HADHA: variants seen among roughly 807,000 people sequenced by gnomAD.
HADHA encodes trifunctional enzyme subunit alpha, mitochondrial.
HADHA carries 59 observed loss-of-function variants against 91.3 expected under a neutral mutation model. That is an observed-to-expected ratio of 0.65 (90% CI 0.52 to 0.80). The LOEUF is 0.80. HADHA is among the 30% of genes least tolerant of loss of function. The pLI, the probability that HADHA is intolerant of heterozygous loss-of-function variation, is 0.00. For missense variants in HADHA, 800 were observed against 927.6 expected (o/e 0.86, Z 1.79); for synonymous variants, 320 against 338.9 (o/e 0.94, Z 0.61).
chr2:26,241,474 C>CA (rs1250397181), intron 1 of HADHA, among the ~76,000 whole-genome samples: 9 of 139,930 alleles, frequency 6.4e-5, no homozygotes, highest in African/African-American at 1.1e-4. Context: ...ACAACAACAA[C>CA]AACAAAAAAA....
chr2:26,200,490 G>T (rs1448620712), intron 13 of HADHA, among the ~76,000 whole-genome samples: 1 of 152,170 alleles, frequency 6.6e-6, no homozygotes, highest in African/African-American at 2.4e-5. Context: ...TGGACGAACT[G>T]TCTTCCCTAT....
chr2:26,223,608 G>A (rs1670423472), intron 7 of HADHA, among the ~76,000 whole-genome samples: 1 of 152,200 alleles, frequency 6.6e-6, no homozygotes, highest in Non-Finnish European at 1.5e-5. Flanking sequence ...TCTGGGGCTG[G>A]CTAAGCTCTT....
At chr2:26,219,319 G>T (rs1332670749) in intron 7 of HADHA, among the ~76,000 whole-genome samples, 1 of 151,892 alleles carries the variant, frequency 6.6e-6, no homozygotes, top group African/African-American at 2.4e-5. Context: ...GTAGAGATGG[G>T]GTTTCACCAT....
Position 26,214,506 on chromosome 2 carries a change from T to C in HADHA, c.855A>G (p.Lys285=). 1 of 1,609,074 alleles carries C rather than the reference T, an allele frequency of 6.2e-7. No individual in the cohort carries two copies. The highest frequency in any genetic ancestry group is 8.5e-7 in the Non-Finnish European group (1 of 1,176,156). Residue 285 remains lysine (K), a synonymous_variant, in exon 9 of 20, where the codon AAA becomes AAG. Coordinates refer to ENST00000380649, the MANE Select transcript of HADHA (RefSeq NM_000182.5). This position sits in a 1 kb window ranked among gnomAD's most constrained non-coding sequence, Gnocchi z 4.1. ...IPFVRQQVYK[K]VEEKVRKQTK... ...TCTGCTTTCGCACTTTTTCTTCCAC[T>C]TTTTTGTAAACCTGTTGCCTGACAA...
At chr2:26,232,547 C>A (rs1026364002) in intron 5 of HADHA, among the ~76,000 whole-genome samples, 28 of 152,116 alleles carry the variant, frequency 1.8e-4, no homozygotes, top group African/African-American at 6.5e-4. Flanking sequence ...GAAAAATGCA[C>A]ACACAATTTT....
chr2:26,241,238 A>G (rs1574628978), intron 1 of HADHA, among the ~76,000 whole-genome samples: 1 of 152,334 alleles, frequency 6.6e-6, no homozygotes, highest in Non-Finnish European at 1.5e-5. Flanking sequence ...TGAAAACATT[A>G]CTTTGGTTGT....
chr2:26,232,031 C>A, intron 6 of HADHA, 129 bp downstream of exon 6: 1 of 733,076 alleles, frequency 1.4e-6, no homozygotes, highest in East Asian at 2.6e-5. Flanking sequence ...TAAAGTCTGT[C>A]ACTGATCCTG....
In HADHA at chr2:26,230,234, C is replaced by G. The variant is rs1670589815; in HGVS notation, c.634G>C (p.Ala212Pro). Residue 212 changes from alanine (A) to proline (P), a missense_variant, in exon 7 of 20, where the codon GCA becomes CCA. Transcript: ENST00000380649. ...LTGRSIRADR[A>P]KKMGLVDQLV... ...TGGTCAACCAGTCCCATTTTCTTTG[C>G]CCTGTCTGCACGAATGCTTCTACCA... The G allele has an allele frequency of 6.2e-7, 1 of 1,613,466 alleles. No individual in the cohort carries two copies. Among genetic ancestry groups the G allele is most frequent in the Non-Finnish European group, 8.5e-7 (1 of 1,179,576 alleles).
intron 11 of HADHA, 90 bp from the exon 12 acceptor site, chr2:26,204,286 A>G: frequency 9.2e-7 from 1 of 1,088,524 alleles, no homozygotes; most frequent in South Asian, 1.2e-5. Context: ...CAATAAACCA[A>G]CTAATGCAGG....
At chr2:26,226,023 T>A (rs769825725) in intron 7 of HADHA, among the ~76,000 whole-genome samples, 48 of 152,174 alleles carry the variant, frequency 3.2e-4, no homozygotes, top group Non-Finnish European at 5.4e-4. Flanking sequence ...AAGGTCCATG[T>A]CCAAAAATCT....
At chr2:26,198,212 T>C (rs1669731852) in intron 13 of HADHA, among the ~76,000 whole-genome samples, 2 of 152,138 alleles carry the variant, frequency 1.3e-5, no homozygotes, top group South Asian at 2.1e-4. Flanking sequence ...ATGTGCATGC[T>C]TGTCTCATTT....
chr2:26,235,190 T>C (rs1670718320), intron 4 of HADHA: 1 of 152,182 alleles, frequency 6.6e-6, no homozygotes, highest in Non-Finnish European at 1.5e-5. Context: ...ATTCCTGTAG[T>C]CCTGGCTACT....
At chr2:26,243,399 A>G (rs1484461901) in intron 1 of HADHA, 2 of 146,200 alleles carry the variant, frequency 1.4e-5, no homozygotes, top group African/African-American at 4.9e-5. Flanking sequence ...ACAATGGGTG[A>G]TTCGTTTTTT....
At chr2:26,211,522 T>C (rs959155862) in intron 10 of HADHA, among the ~76,000 whole-genome samples, 2 of 152,214 alleles carry the variant, frequency 1.3e-5, no homozygotes, top group South Asian at 4.1e-4. Flanking sequence ...GATATTACCA[T>C]CAGGCTATGT....
intron 4 of HADHA, 105 bp from the exon 5 acceptor site, chr2:26,234,460 G>T (rs1024222287): frequency 4.1e-6 from 4 of 975,842 alleles, no homozygotes; most frequent in African/African-American, 1.6e-5. Flanking sequence ...ATCAATATTT[G>T]ATGACAAATC....
chr2:26,224,069 C>G (rs1490875964), intron 7 of HADHA, among the ~76,000 whole-genome samples: 1 of 152,144 alleles, frequency 6.6e-6, no homozygotes, highest in African/African-American at 2.4e-5. Flanking sequence ...CTTAAAGACA[C>G]TTCTCCCAGT....
Position 26,191,085 on chromosome 2 carries a change from G to T in HADHA, c.*165C>A. On this transcript the variant is annotated 3_prime_UTR_variant, in exon 20 of 20. Transcript: ENST00000380649. ...ACTAATTCGAAGTCACACTTCACCA[G>T]GAGGGAGAGATGGTCTTGGCTGAAG... The T allele has an allele frequency of 1.4e-6, 1 of 700,838 alleles. No homozygotes were observed. The highest frequency in any genetic ancestry group is 2.5e-6 in the Non-Finnish European group (1 of 392,436). The allele number at this position is 700,838 out of a possible 1,614,324, so 43.4% of individuals were successfully genotyped here.
intron 11 of HADHA, 63 bp from the exon 12 acceptor site, chr2:26,204,259 A>G (rs1237940484): frequency 4.8e-6 from 7 of 1,462,138 alleles, no homozygotes; most frequent in Non-Finnish European, 6.7e-6. Flanking sequence ...TCAAAGTGGA[A>G]GATTGCCTAA....
intron 12 of HADHA, among the ~76,000 whole-genome samples, chr2:26,201,829 C>T (rs1218623781): frequency 6.6e-6 from 1 of 151,410 alleles, no homozygotes; most frequent in South Asian, 2.1e-4. Context: ...GAGTCTCGCT[C>T]TGTTGCCCAG....
Sources: allele counts gnomAD v4.1 joint callset (sites outside exome capture counted in the v4.1 genomes callset), GRCh38; gene constraint gnomAD v4.1.1; non-coding constraint Gnocchi (gnomAD v3.1); transcripts MANE v1.5; gene names NCBI Gene and HGNC (gene_info 2026-07-23, HGNC 2026-07-21).